The following TMX4 variants were observed in gnomAD, a reference collection of about 807,000 sequenced individuals.
The protein encoded by TMX4 is thioredoxin-related transmembrane protein 4.
TMX4 carries 23 observed loss-of-function variants against 33.3 expected under a neutral mutation model. The ratio of observed to expected loss-of-function variants is 0.69; its 90% confidence interval spans 0.50 to 0.98. The LOEUF (loss-of-function observed/expected upper bound fraction) is 0.98. TMX4 is among the 50% of genes least tolerant of loss of function. The pLI, the probability that TMX4 is intolerant of heterozygous loss-of-function variation, is 0.00. For synonymous variants in TMX4, 164 were observed against 161.5 expected, an observed-to-expected ratio of 1.02 and a Z score of -0.12; for missense variants, 399 against 448.9, an observed-to-expected ratio of 0.89 and a Z score of 1.01.
At chr20:8,011,112 A>G (rs775592107) in intron 1 of TMX4, among the ~76,000 whole-genome samples, 35 of 152,210 alleles carry the variant, frequency 2.3e-4, no homozygotes, top group Non-Finnish European at 3.8e-4. Context: ...GTCTTGAATA[A>G]ATAGAGAAAT....
chr20:8,018,884 C>T (rs2050796038), intron 1 of TMX4: 1 of 336,978 alleles, frequency 3.0e-6, no homozygotes, highest in South Asian at 2.3e-5. Flanking sequence ...CTCACAATGA[C>T]ATCTCCAGGT....
intron 4 of TMX4, among the ~76,000 whole-genome samples, chr20:7,998,571 G>A (rs2050687475): frequency 6.6e-6 from 1 of 151,938 alleles, no homozygotes; most frequent in Non-Finnish European, 1.5e-5. Flanking sequence ...CTTTCCTGTG[G>A]CCACAGGCCC....
chr20:7,993,317 TTAATA>T (rs1453444473), intron 5 of TMX4, among the ~76,000 whole-genome samples: 1 of 152,232 alleles, frequency 6.6e-6, no homozygotes, highest in African/African-American at 2.4e-5. Context: ...CTGTTCATTA[TTAATA>T]TATTTGCATT....
chr20:7,987,402 G>A lies in TMX4; in HGVS notation c.514-13C>T. 3 of 1,544,974 alleles carry A rather than the reference G, an allele frequency of 1.9e-6. No individual in the cohort carries two copies. The highest frequency in any genetic ancestry group is 2.6e-6 in the Non-Finnish European group (3 of 1,151,886). On this transcript the variant is annotated splice_polypyrimidine_tract_variant and intron_variant, in intron 5 of 7. Transcript: ENST00000246024. The stretch of plus-strand genomic sequence containing the variant: ...AGTTGTGAAGATGCTGGAATCAGAA[G>A]AAAAAAAATAAAACATTAATTTTTA...
intron 6 of TMX4, among the ~76,000 whole-genome samples, chr20:7,985,645 C>A (rs891257517): frequency 1.3e-5 from 2 of 151,994 alleles, no homozygotes; most frequent in Admixed American, 1.3e-4. Context: ...ATGTATGAAT[C>A]TTTTATAATT....
At chr20:8,014,612 G>C (rs1438711994) in intron 1 of TMX4, among the ~76,000 whole-genome samples, 1 of 152,224 alleles carries the variant, frequency 6.6e-6, no homozygotes, top group African/African-American at 2.4e-5. Flanking sequence ...GTAATTACTG[G>C]TTGTGATAGG....
chr20:8,006,552 A>G (rs543231573), intron 2 of TMX4, among the ~76,000 whole-genome samples: 3 of 152,280 alleles, frequency 2.0e-5, no homozygotes, highest in South Asian at 2.1e-4. Flanking sequence ...AGTTTTTACT[A>G]TTCATTCAAG....
chr20:7,988,537 G>C (rs1357874994), intron 5 of TMX4, among the ~76,000 whole-genome samples: 1 of 152,178 alleles, frequency 6.6e-6, no homozygotes, highest in African/African-American at 2.4e-5. Context: ...TAAAGACGCA[G>C]CAAGTAGTTT....
At chr20:7,983,937 A>G in intron 6 of TMX4, 80 bp from the exon 7 acceptor site, 3 of 982,288 alleles carry the variant, frequency 3.1e-6, no homozygotes, top group Middle Eastern at 2.1e-4. Flanking sequence ...CCTTGCTTCT[A>G]TAATCAGATA....
chr20:7,988,936 T>A (rs6140487), intron 5 of TMX4, among the ~76,000 whole-genome samples: 32,681 of 151,482 alleles, frequency 0.22, 6,438 homozygotes, highest in East Asian at 0.53. Flanking sequence ...GGCAGGAGAA[T>A]TGCTTGAACC....
At position 7,982,316 on chromosome 20, in the gene TMX4, C is replaced by G. The variant is rs1305970819; in HGVS notation, c.985G>C (p.Asp329His). 4 of 1,614,030 alleles carry G rather than the reference C, an allele frequency of 2.5e-6. No homozygotes were observed. The highest frequency in any genetic ancestry group is 3.4e-6 in the Non-Finnish European group (4 of 1,180,036). ...AAGGAGTCTTCCACCACCTCTGTGT[C>G]AGCTGGGCAGGGTTGCTCAGAGATG... ...EGISEQPCPA[D>H]TEVVEDSLRQ... The change falls in exon 8 of 8, where the codon GAC becomes CAC. Residue 329 changes from aspartate to histidine, a missense_variant. By Grantham distance (81) the Asp-to-His change is moderately conservative. Transcript: ENST00000246024.
chr20:7,978,589 C>G lies in TMX4; in HGVS notation c.*3662G>C, dbSNP rs2050591355. The G allele has an allele frequency of 6.6e-6, 1 of 152,158 alleles. No individual in the cohort carries two copies. Among genetic ancestry groups the G allele is most frequent in the Admixed American group, 6.5e-5 (1 of 15,282 alleles). 9.4% of individuals were successfully genotyped at this position (152,158 alleles called of 1,614,324 possible). A position where few individuals can be genotyped will look rare whatever the true frequency, so the allele number is the denominator to read the frequency against. On this transcript the variant is annotated 3_prime_UTR_variant, in exon 8 of 8. Transcript: ENST00000246024. ...TTTCCACTATCAAAAGCCAACTCAG[C>G]TGAAGCTTATCTATTTTCTACTACA...
In TMX4 at chr20:7,978,515, AC is replaced by A; in HGVS notation, c.*3735del. The A allele has an allele frequency of 6.6e-6, 1 of 152,148 alleles. No homozygotes were observed. Among genetic ancestry groups the A allele is most frequent in the Non-Finnish European group, 1.5e-5 (1 of 68,036 alleles). The allele number at this position is 152,148 out of a possible 1,614,324, so 9.4% of individuals were successfully genotyped here. On this transcript the variant is annotated 3_prime_UTR_variant, in exon 8 of 8. Coordinates refer to ENST00000246024, the MANE Select transcript of TMX4 (RefSeq NM_021156.4). ...TATTCCCAAATCATATTAGAACATC[AC>A]AGCTGTCAACAAGGAATTTTGGCCA...
intron 4 of TMX4, among the ~76,000 whole-genome samples, chr20:7,997,356 T>C (rs1053976895): frequency 2.0e-5 from 3 of 152,192 alleles, no homozygotes; most frequent in African/African-American, 7.2e-5. Flanking sequence ...TGAGATATGA[T>C]AAGGTTTCCC....
rs781211047 is a variant in TMX4 at position 8,001,530 on chromosome 20, G to C, written c.304C>G (p.Arg102Gly). 6.2e-7 allele frequency: 1 copy of C among 1,600,038 alleles called. No individual in the cohort carries two copies. Among genetic ancestry groups the C allele is most frequent in the Non-Finnish European group, 8.5e-7 (1 of 1,171,554 alleles). ...GCTGGGAGAGTGGTGACAAAGAAGC[G>C]GCCACTCAAACCTACAAGAAGCATA... ...DVIQEPGLSG[R>G]FFVTTLPAFF... Residue 102 changes from arginine (R) to glycine (G), a missense_variant, in exon 3 of 8, where the codon CGC (arginine) becomes GGC (glycine). By Grantham distance (125) the Arg-to-Gly change is moderately radical. Transcript: ENST00000246024.
intron 2 of TMX4, among the ~76,000 whole-genome samples, chr20:8,007,620 C>G (rs2050736281): frequency 6.6e-6 from 1 of 152,182 alleles, no homozygotes; most frequent in Non-Finnish European, 1.5e-5. Context: ...TCTCCATCCC[C>G]ATTTATCTCA....
Position 7,987,383 on chromosome 20 carries a change from G to A in TMX4, c.520C>T (p.His174Tyr). The A allele has an allele frequency of 6.4e-7, 1 of 1,569,122 alleles. No individual in the cohort carries two copies. Among genetic ancestry groups the A allele is most frequent in the Non-Finnish European group, 8.6e-7 (1 of 1,167,548 alleles). The change falls in exon 6 of 8, where the codon CAC (histidine) becomes TAC (tyrosine). Residue 174 changes from histidine to tyrosine, a missense_variant. Transcript: ENST00000246024. ...FSISGKIWHLHNYFTVTLGIP... is the reference protein window; with the variant it reads ...FSISGKIWHLYNYFTVTLGIP... ...CCAAGAGTCACTGTGAAATAGTTGT[G>A]AAGATGCTGGAATCAGAAGAAAAAA... is the stretch of plus-strand genomic sequence containing the variant.
At chr20:8,000,821 G>A (rs1183290278) in intron 3 of TMX4, among the ~76,000 whole-genome samples, 2 of 152,160 alleles carry the variant, frequency 1.3e-5, no homozygotes, top group Admixed American at 6.5e-5. Flanking sequence ...TTGGAACTGG[G>A]AAGGGCAAGT....
chr20:7,997,039 G>C (rs1224438781), intron 4 of TMX4, among the ~76,000 whole-genome samples: 2 of 152,128 alleles, frequency 1.3e-5, no homozygotes, highest in African/African-American at 2.4e-5. Context: ...GGATACAAGA[G>C]ACTACGCCCT....
Sources: allele counts gnomAD v4.1 joint callset (sites outside exome capture counted in the v4.1 genomes callset), GRCh38; gene constraint gnomAD v4.1.1; transcripts MANE v1.5; gene names NCBI Gene and HGNC (gene_info 2026-07-23, HGNC 2026-07-21).